FBXL7: variants seen among roughly 807,000 people sequenced by gnomAD.
FBXL7 encodes F-box/LRR-repeat protein 7.
Under a neutral mutation model 38.3 loss-of-function variants are expected in FBXL7, and 12 were observed. The observed-to-expected ratio is 0.31, with a 90% confidence interval of 0.20 to 0.51. The LOEUF is 0.51. Among genes scored for constraint, FBXL7 ranks in the 20% least tolerant of loss-of-function variants. The pLI, the probability that FBXL7 is intolerant of heterozygous loss-of-function variation, is 0.98. For missense variants in FBXL7, 567 were observed against 676.4 expected (o/e 0.84, Z 1.79); for synonymous variants, 297 against 300.9 (o/e 0.99, Z 0.13).
chr5:15,518,564 G>T (rs1012933863), intron 1 of FBXL7, among the ~76,000 whole-genome samples: 1 of 152,104 alleles, frequency 6.6e-6, no homozygotes, highest in Non-Finnish European at 1.5e-5. Context: ...GGAAATGAAG[G>T]TAGAAGCTAC....
intron 2 of FBXL7, among the ~76,000 whole-genome samples, chr5:15,657,844 A>T (rs757099016): frequency 4.3e-4 from 50 of 115,984 alleles, no homozygotes; most frequent in Non-Finnish European, 9.8e-4. Context: ...GTCTAAATTA[A>T]AAAAAAAAAA....
In FBXL7 at chr5:15,841,481, T is replaced by C. The variant is rs187234574; in HGVS notation, c.128-86409T>C. Among the ~76,000 whole-genome samples, 1,024 of 151,742 alleles carry C rather than the reference T, an allele frequency of 6.7e-3. 5 individuals carry two copies. Among genetic ancestry groups the C allele is most frequent in the Non-Finnish European group, 0.011 (738 of 67,902 alleles). ...CAGCAGAATCCAGAAAGATGTTCATTTTTTTTTTCTCATTTTAACCTGGTA... is the reference window on the plus strand; with the variant it reads ...CAGCAGAATCCAGAAAGATGTTCATCTTTTTTTTCTCATTTTAACCTGGTA... On this transcript the variant is annotated intron_variant, in intron 2 of 3. Transcript: ENST00000504595.
chr5:15,815,172 T>C (rs17648198), intron 2 of FBXL7, among the ~76,000 whole-genome samples: 3,073 of 152,304 alleles, frequency 0.02, 47 homozygotes, highest in East Asian at 0.076. Flanking sequence ...TATTGGAATA[T>C]TTCTCTTTCT....
At chr5:15,528,031 A>T (rs1291625261) in intron 1 of FBXL7, among the ~76,000 whole-genome samples, 4 of 152,212 alleles carry the variant, frequency 2.6e-5, no homozygotes, top group Non-Finnish European at 5.9e-5. Context: ...TTCATATATT[A>T]CAAGTCCTAA....
At chr5:15,824,159 G>T (rs2126766937) in intron 2 of FBXL7, among the ~76,000 whole-genome samples, 1 of 151,654 alleles carries the variant, frequency 6.6e-6, no homozygotes, top group South Asian at 2.1e-4. Flanking sequence ...AGCTGGGCGT[G>T]GTGGCACGTG....
intron 2 of FBXL7, among the ~76,000 whole-genome samples, chr5:15,786,857 G>A (rs950253543): frequency 2.6e-5 from 4 of 152,150 alleles, no homozygotes; most frequent in Non-Finnish European, 5.9e-5. Flanking sequence ...ACTGTGACCT[G>A]ATTTGCAAAA....
chr5:15,899,218 A>G (rs1404165993), intron 2 of FBXL7, among the ~76,000 whole-genome samples: 1 of 152,034 alleles, frequency 6.6e-6, no homozygotes, highest in African/African-American at 2.4e-5. Context: ...AGGCATGTGC[A>G]ACCACACCCA....
At chr5:15,746,161 T>C (rs1736009140) in intron 2 of FBXL7, among the ~76,000 whole-genome samples, 1 of 152,138 alleles carries the variant, frequency 6.6e-6, no homozygotes, top group African/African-American at 2.4e-5. Context: ...GTTGGGTGAA[T>C]ACTATTTAAT....
At chr5:15,876,959 C>G (rs944257156) in intron 2 of FBXL7, among the ~76,000 whole-genome samples, 1 of 152,164 alleles carries the variant, frequency 6.6e-6, no homozygotes, top group Admixed American at 6.5e-5. Context: ...GTTCATTCCT[C>G]TAAAGTTTTG....
chr5:15,896,517 G>A (rs1257560034), intron 2 of FBXL7, among the ~76,000 whole-genome samples: 1 of 152,152 alleles, frequency 6.6e-6, no homozygotes, highest in Non-Finnish European at 1.5e-5. Flanking sequence ...GTATATTGTG[G>A]CTCTGGCGGA....
At chr5:15,511,138 G>C (rs1273086565) in intron 1 of FBXL7, among the ~76,000 whole-genome samples, 2 of 152,198 alleles carry the variant, frequency 1.3e-5, no homozygotes, top group East Asian at 3.9e-4. Context: ...TTATGGGCTA[G>C]GTGATCAAAA....
chr5:15,618,031 T>G (rs975786709), intron 2 of FBXL7, among the ~76,000 whole-genome samples: 2 of 151,650 alleles, frequency 1.3e-5, no homozygotes, highest in African/African-American at 4.9e-5. Flanking sequence ...TGGGGGAGGG[T>G]AGTGTGGGAC....
rs892045016 is a variant in FBXL7, at chr5:15,937,473, G to T, written c.*287G>T. 4 of 350,068 alleles carry T rather than the reference G, an allele frequency of 1.1e-5. No individual in the cohort carries two copies. Among genetic ancestry groups the T allele is most frequent in the Non-Finnish European group, 2.1e-5 (4 of 191,234 alleles). 21.7% of individuals were successfully genotyped at this position (350,068 alleles called of 1,614,324 possible). A position where few individuals can be genotyped will look rare whatever the true frequency, so the allele number is the denominator to read the frequency against. On this transcript the variant is annotated 3_prime_UTR_variant, in exon 4 of 4. Transcript: ENST00000504595. ...CTGATCGCTGTTCCTTGAGCAAGGCGCTTACTCTCCTCCGCTCAGGCCCCC... is the reference window on the plus strand; with the variant it reads ...CTGATCGCTGTTCCTTGAGCAAGGCTCTTACTCTCCTCCGCTCAGGCCCCC...
intron 2 of FBXL7, among the ~76,000 whole-genome samples, chr5:15,888,317 T>C (rs1321310189): frequency 6.6e-6 from 1 of 152,026 alleles, no homozygotes; most frequent in African/African-American, 2.4e-5. Context: ...AACCTCTGCC[T>C]CCTGGGTTCA....
intron 1 of FBXL7, among the ~76,000 whole-genome samples, chr5:15,571,301 A>G (rs1027638361): frequency 6.6e-5 from 10 of 152,070 alleles, no homozygotes; most frequent in Admixed American, 6.5e-4. Context: ...GGCCTCAGTT[A>G]GTCATCCTTC....
At chr5:15,687,703 T>C (rs1743057847) in intron 2 of FBXL7, among the ~76,000 whole-genome samples, 1 of 152,216 alleles carries the variant, frequency 6.6e-6, no homozygotes, top group South Asian at 2.1e-4. Context: ...AGTGAGGAAA[T>C]GCTTCTGTTC....
intron 2 of FBXL7, among the ~76,000 whole-genome samples, chr5:15,678,990 T>C (rs534627994): frequency 8.4e-4 from 128 of 152,340 alleles, no homozygotes; most frequent in Non-Finnish European, 1.7e-3. Context: ...ATTTCTAGTC[T>C]TCATTTTTAT....
chr5:15,501,605 G>A, intron 1 of FBXL7: 1 of 985,542 alleles, frequency 1.0e-6, no homozygotes, highest in Non-Finnish European at 1.2e-6. Context: ...GAGGACAGTT[G>A]GTTACAAAGG....
At chr5:15,672,092 T>G (rs1742496862) in intron 2 of FBXL7, among the ~76,000 whole-genome samples, 1 of 152,190 alleles carries the variant, frequency 6.6e-6, no homozygotes, top group Admixed American at 6.5e-5. Context: ...ATGACTATAC[T>G]CTGGGTTGTG....
Sources: gnomAD v4.1 joint callset for allele counts (sites outside exome capture counted in the v4.1 genomes callset) on GRCh38, gnomAD v4.1.1 for gene constraint, MANE v1.5 for transcripts, NCBI Gene and HGNC (gene_info 2026-07-23, HGNC 2026-07-21) for gene names.